Variants in EML1 observed in about 807,000 individuals in gnomAD.
EML1 encodes EMAP like 1.
Under a neutral mutation model 110.4 loss-of-function variants are expected in EML1, and 27 were observed. The ratio of observed to expected loss-of-function variants is 0.24; its 90% confidence interval spans 0.18 to 0.34. The LOEUF (loss-of-function observed/expected upper bound fraction) is 0.34, where lower values mean the gene tolerates loss of function less well. Among genes scored for constraint, EML1 ranks in the 10% least tolerant of loss-of-function variants. EML1 has a pLI of 1.00. For synonymous variants in EML1, 344 were observed against 385.8 expected, an observed-to-expected ratio of 0.89 and a Z score of 1.27; for missense variants, 741 against 1,030.9, an observed-to-expected ratio of 0.72 and a Z score of 3.85.
At chr14:99,934,177 G>A (rs2060425479) in intron 17 of EML1, among the ~76,000 whole-genome samples, 1 of 152,200 alleles carries the variant, frequency 6.6e-6, no homozygotes, top group Non-Finnish European at 1.5e-5. Flanking sequence ...TGTTTATTGC[G>A]GTCATCGTCA....
intron 17 of EML1, among the ~76,000 whole-genome samples, chr14:99,935,196 G>C (rs2060446018): frequency 6.6e-6 from 1 of 152,184 alleles, no homozygotes; most frequent in Admixed American, 6.5e-5. Context: ...AGAATTTGTA[G>C]GGGGCAGTGG....
intron 16 of EML1, among the ~76,000 whole-genome samples, chr14:99,918,647 A>G (rs1184633443): frequency 6.6e-6 from 1 of 152,050 alleles, no homozygotes; most frequent in East Asian, 1.9e-4. Context: ...GCAAGACCCT[A>G]TCTCTATAAA....
Position 99,806,206 on chromosome 14 carries a change from T to C in EML1, c.67+12663T>C, listed in dbSNP as rs530255996. Among the ~76,000 whole-genome samples, 285 of 152,198 alleles carry C rather than the reference T, an allele frequency of 1.9e-3. 1 individual carries two copies. Among genetic ancestry groups the C allele is most frequent in the African/African-American group, 6.8e-3 (281 of 41,538 alleles). On this transcript the variant is annotated intron_variant, in intron 1 of 21. Transcript: ENST00000262233. Reference sequence around the variant, plus strand: ...AAGAAGTGGGATAATTACCTGCACATTTGAGGCTGTCAGAACGCCTGAAGA... The same window carrying C: ...AAGAAGTGGGATAATTACCTGCACACTTGAGGCTGTCAGAACGCCTGAAGA...
chr14:99,882,672 A>AGT (rs2059406262), intron 4 of EML1, among the ~76,000 whole-genome samples: 1 of 145,322 alleles, frequency 6.9e-6, no homozygotes, highest in Non-Finnish European at 1.5e-5. Flanking sequence ...AAAAAAAAAA[A>AGT]AAAGAAAATT....
intron 2 of EML1, among the ~76,000 whole-genome samples, chr14:99,859,197 C>T (rs1161478945): frequency 6.6e-6 from 1 of 152,122 alleles, no homozygotes. Flanking sequence ...TGTGTTTGGA[C>T]CTGAGATTTT....
intron 1 of EML1, among the ~76,000 whole-genome samples, chr14:99,797,067 A>C: frequency 6.6e-6 from 1 of 152,158 alleles, no homozygotes; most frequent in East Asian, 1.9e-4. Context: ...GAACCTTTGC[A>C]TTACTCCAGA....
rs1229980680 is a variant in EML1, at chr14:99,850,957, G to T, written c.172G>T (p.Ala58Ser). ...AGACGACATCCAGCTGCTCAAATCAGCTCTAGCTGATGTGGTTCGGCGGCT... is the reference window on the plus strand; with the variant it reads ...AGACGACATCCAGCTGCTCAAATCATCTCTAGCTGATGTGGTTCGGCGGCT... ...QEDDIQLLKS[A>S]LADVVRRLNI... Residue 58 changes from alanine to serine, a missense_variant, in exon 2 of 22, where the codon GCT (alanine) becomes TCT (serine). Physicochemically the swap from Ala to Ser is moderately conservative, Grantham distance 99. This residue lies in a region of EML1 where 226 missense variants were observed against 255.6 expected (regional missense o/e 0.88). Transcript: ENST00000262233. 6.2e-7 allele frequency: 1 copy of T among 1,614,196 alleles called. No homozygotes were observed. The highest frequency in any genetic ancestry group is 8.5e-7 in the Non-Finnish European group (1 of 1,180,042).
chr14:99,750,807 A>G (rs2057166763), intron 1 of EML1, among the ~76,000 whole-genome samples: 1 of 151,970 alleles, frequency 6.6e-6, no homozygotes, highest in South Asian at 2.1e-4. Flanking sequence ...CCCGAGTCTA[A>G]CCCGATCGCC....
intron 1 of EML1, among the ~76,000 whole-genome samples, chr14:99,749,768 C>T (rs2057154328): frequency 6.6e-6 from 1 of 152,184 alleles, no homozygotes; most frequent in Admixed American, 6.5e-5. Context: ...CTCTGCTGTT[C>T]TGCGGCAGGC....
chr14:99,849,159 T>C (rs181432611), intron 1 of EML1, among the ~76,000 whole-genome samples: 14 of 152,314 alleles, frequency 9.2e-5, no homozygotes, highest in African/African-American at 3.1e-4. Context: ...GCAGGTCTTT[T>C]GATGATTAAT....
intron 1 of EML1, 115 bp from the exon 2 acceptor site, chr14:99,850,738 G>A (rs908317226): frequency 2.5e-5 from 27 of 1,094,624 alleles, no homozygotes; most frequent in African/African-American, 7.9e-5. Context: ...TCTGTAGTCC[G>A]TAAGTGTTAC....
intron 1 of EML1, among the ~76,000 whole-genome samples, chr14:99,795,972 A>G (rs2139670245): frequency 6.6e-6 from 1 of 152,306 alleles, no homozygotes; most frequent in South Asian, 2.1e-4. Flanking sequence ...GATTACTTGC[A>G]GCCAAGAGTT....
chr14:99,914,520 A>C (rs757598032), intron 14 of EML1, 46 bp from the exon 15 acceptor site: 2 of 1,564,284 alleles, frequency 1.3e-6, no homozygotes. Flanking sequence ...CCTGAGTGCG[A>C]ACTGTAGTAT....
At chr14:99,874,182 G>C (rs1295863864) in intron 3 of EML1, among the ~76,000 whole-genome samples, 1 of 152,160 alleles carries the variant, frequency 6.6e-6, no homozygotes, top group Admixed American at 6.5e-5. Flanking sequence ...ATGGTCACCA[G>C]TCTCCCTGCA....
chr14:99,775,805 C>T (rs1048085901), intron 1 of EML1, among the ~76,000 whole-genome samples: 1 of 152,180 alleles, frequency 6.6e-6, no homozygotes, highest in Non-Finnish European at 1.5e-5. Context: ...AGCCTCTCCG[C>T]TCCTTTGTGT....
At chr14:99,862,006 C>A (rs2059010486) in intron 2 of EML1, among the ~76,000 whole-genome samples, 1 of 152,112 alleles carries the variant, frequency 6.6e-6, no homozygotes, top group Non-Finnish European at 1.5e-5. Flanking sequence ...CCCTTAAGCC[C>A]TTTTGGTTCC....
chr14:99,793,306 G>T, upstream of EML1: 1 of 979,528 alleles, frequency 1.0e-6, no homozygotes, highest in Non-Finnish European at 1.2e-6. Flanking sequence ...GGCTCGCGCG[G>T]CTGCGGCGGC....
At chr14:99,756,322 G>A (rs1051866510) in intron 1 of EML1, among the ~76,000 whole-genome samples, 3 of 152,224 alleles carry the variant, frequency 2.0e-5, no homozygotes, top group Non-Finnish European at 4.4e-5. Flanking sequence ...TCATCGGGTG[G>A]CAGCCCTGGC....
intron 1 of EML1, among the ~76,000 whole-genome samples, chr14:99,758,204 C>T (rs375152989): frequency 6.9e-4 from 105 of 152,238 alleles, no homozygotes; most frequent in African/African-American, 2.4e-3. Flanking sequence ...ACACTGTGTT[C>T]GAGAGTCAAC....
Sources: allele counts gnomAD v4.1 joint callset (sites outside exome capture counted in the v4.1 genomes callset), GRCh38; gene constraint gnomAD v4.1.1; regional missense constraint gnomAD v4.1.1; transcripts MANE v1.5; gene names NCBI Gene and HGNC (gene_info 2026-07-23, HGNC 2026-07-21).